CD86: variants seen among roughly 807,000 people sequenced by gnomAD.
CD86 encodes the protein CD86 molecule.
CD86 carries 11 observed loss-of-function variants against 32.1 expected under a neutral mutation model. The observed-to-expected ratio is 0.34, with a 90% CI of 0.22 to 0.57. The LOEUF (loss-of-function observed/expected upper bound fraction) is 0.57. Ranked by LOEUF, CD86 falls within the 20% of genes least tolerant of loss-of-function variation. The pLI, the probability that CD86 is intolerant of heterozygous loss-of-function variation, is 0.86. For synonymous variants in CD86, 137 were observed against 135.3 expected (o/e 1.01, Z -0.09); for missense variants, 359 against 398.4 (o/e 0.90, Z 0.84).
chr3:122,069,851 G>A (rs1030835544), intron 1 of CD86, among the ~76,000 whole-genome samples: 1 of 152,056 alleles, frequency 6.6e-6, no homozygotes, highest in Non-Finnish European at 1.5e-5. Context: ...CACTTGCTGC[G>A]GTTGTCACTA....
intron 3 of CD86, among the ~76,000 whole-genome samples, chr3:122,105,390 C>T (rs754757922): frequency 2.6e-5 from 4 of 152,106 alleles, no homozygotes; most frequent in Non-Finnish European, 5.9e-5. Context: ...AAATGACAGA[C>T]CTTTTAGTAA....
chr3:122,100,360 G>A (rs184773710), intron 2 of CD86, among the ~76,000 whole-genome samples: 1 of 152,282 alleles, frequency 6.6e-6, no homozygotes, highest in African/African-American at 2.4e-5. Context: ...GGCTTCCTTT[G>A]GGTGAAGCCA....
In CD86 at chr3:122,060,644, T is replaced by TA. The variant is rs558148959; in HGVS notation, c.14+5150dup. 1.9e-3 allele frequency among the ~76,000 whole-genome samples: 291 copies of TA among 150,562 alleles called. 2 individuals carry two copies. Among genetic ancestry groups the TA allele is most frequent in the Non-Finnish European group, 2.4e-3 (161 of 67,488 alleles). On this transcript the variant is annotated intron_variant, in intron 1 of 6. Transcript: ENST00000330540. ...TTCCTAAAAAAATTTTAATTTAAAT[T>TA]AAAAAAAAAGGCTAACCAAAAATAA...
intron 2 of CD86, among the ~76,000 whole-genome samples, chr3:122,095,373 G>T (rs1466791712): frequency 2.0e-5 from 3 of 152,012 alleles, no homozygotes; most frequent in Admixed American, 2.0e-4. Flanking sequence ...TAGAGACGGG[G>T]TTTCACCATG....
chr3:122,093,654 T>C (rs1219709821), intron 2 of CD86, among the ~76,000 whole-genome samples: 1 of 152,246 alleles, frequency 6.6e-6, no homozygotes. Flanking sequence ...ACCACCATTG[T>C]ATATGACTGA....
intron 1 of CD86, among the ~76,000 whole-genome samples, chr3:122,075,554 C>A (rs2072544232): frequency 6.6e-6 from 1 of 152,146 alleles, no homozygotes; most frequent in Admixed American, 6.5e-5. Flanking sequence ...AATTTCCCAA[C>A]CTGACAAGTA....
chr3:122,109,214 C>T, intron 4 of CD86, 51 bp from the exon 5 acceptor site: 1 of 1,586,274 alleles, frequency 6.3e-7, no homozygotes, highest in African/African-American at 1.4e-5. Context: ...CTAGCAGAAA[C>T]CTTTTGTAAA....
At chr3:122,096,906 G>C (rs1474789052) in intron 2 of CD86, among the ~76,000 whole-genome samples, 2 of 152,214 alleles carry the variant, frequency 1.3e-5, no homozygotes, top group Non-Finnish European at 2.9e-5. Flanking sequence ...ATGAATACCT[G>C]TGTACCTCTA....
chr3:122,055,529 A>G lies in CD86; in HGVS notation c.14+26A>G, dbSNP rs538910339. ...GTGAGTAATAATTCTTATTCTTTGC[A>G]GAGAAGTTATGAGTTGTGACTGCAG... On this transcript the variant is annotated intron_variant, in intron 1 of 6. Coordinates refer to ENST00000330540, the MANE Select transcript of CD86 (RefSeq NM_175862.5). The G allele has an allele frequency of 8.1e-6, 13 of 1,612,772 alleles. No homozygotes were observed. In the Admixed American group the frequency reaches 1.5e-4, roughly 19 times the overall value.
At chr3:122,093,382 G>A (rs1045570793) in intron 2 of CD86, among the ~76,000 whole-genome samples, 1 of 152,100 alleles carries the variant, frequency 6.6e-6, no homozygotes, top group East Asian at 1.9e-4. Flanking sequence ...AACAACAGGG[G>A]TACGTTCTGA....
rs558158767 is a variant in CD86 at position 122,055,662 on chromosome 3, A to C, written c.14+159A>C. Among the ~76,000 whole-genome samples, 3 of 152,338 alleles carry C rather than the reference A, an allele frequency of 2.0e-5. No individual in the cohort carries two copies. In the South Asian group the frequency reaches 6.2e-4, roughly 32 times the overall value. ...AGATCTTTGGCACATAAAGGCAAGAATTATTTGCAATGCCCAAAGCAGTTC... is the reference window on the plus strand; with the variant it reads ...AGATCTTTGGCACATAAAGGCAAGACTTATTTGCAATGCCCAAAGCAGTTC... On this transcript the variant is annotated intron_variant, in intron 1 of 6. Transcript: ENST00000330540.
chr3:122,067,912 C>A (rs115511323), intron 1 of CD86, among the ~76,000 whole-genome samples: 1 of 152,146 alleles, frequency 6.6e-6, no homozygotes, highest in South Asian at 2.1e-4. Context: ...TAGCAGGGAG[C>A]TGCAAAAATT....
chr3:122,091,207 T>G lies in CD86; in HGVS notation c.15-394T>G, dbSNP rs184092958. Among the ~76,000 whole-genome samples the G allele has an allele frequency of 3.3e-5, 5 of 152,354 alleles. No individual in the cohort carries two copies. In the East Asian group the frequency reaches 9.6e-4, roughly 29 times the overall value. ...TAAAGAGAGCTGCTTTATTAGTTTATTAAGCAAACCAGATCTCTTCCATTG... is the reference window on the plus strand; with the variant it reads ...TAAAGAGAGCTGCTTTATTAGTTTAGTAAGCAAACCAGATCTCTTCCATTG... On this transcript the variant is annotated intron_variant, in intron 1 of 6. Transcript: ENST00000330540.
At chr3:122,119,361 G>A (rs1057055179) in intron 6 of CD86, 77 bp from the exon 7 acceptor site, 9 of 813,512 alleles carry the variant, frequency 1.1e-5, no homozygotes, top group Middle Eastern at 2.8e-4. Flanking sequence ...CCTCTATTCT[G>A]CCCTATCATT....
intron 1 of CD86, among the ~76,000 whole-genome samples, chr3:122,071,732 T>A (rs540657281): frequency 2.6e-5 from 4 of 152,226 alleles, no homozygotes; most frequent in South Asian, 2.1e-4. Context: ...TTCTTTATTT[T>A]TTTTTTATTA....
chr3:122,077,525 C>T (rs1332280425), intron 1 of CD86, among the ~76,000 whole-genome samples: 1 of 123,054 alleles, frequency 8.1e-6, no homozygotes, highest in East Asian at 2.1e-4. Context: ...TGCCCTCACT[C>T]ATTGAAGGCT....
intron 3 of CD86, among the ~76,000 whole-genome samples, chr3:122,104,973 G>T (rs1350345368): frequency 6.6e-6 from 1 of 152,020 alleles, no homozygotes; most frequent in Admixed American, 6.5e-5. Flanking sequence ...GTTAATTTTT[G>T]ATGAAACTTG....
At chr3:122,117,881 T>C (rs1344119688) in intron 5 of CD86, among the ~76,000 whole-genome samples, 167 bp from the exon 6 acceptor site, 1 of 152,212 alleles carries the variant, frequency 6.6e-6, no homozygotes, top group Non-Finnish European at 1.5e-5. Flanking sequence ...GCAAGAAACT[T>C]CTTCCCAATC....
chr3:122,101,504 AAAAAAAAAAAT>A (rs1252643591), intron 2 of CD86, among the ~76,000 whole-genome samples: 28 of 46,968 alleles, frequency 6.0e-4, no homozygotes, highest in South Asian at 3.8e-3. Flanking sequence ...AGAAAAAAAA[AAAAAAAAAAAT>A]ATATATATAT....
Sources: allele counts gnomAD v4.1 joint callset (sites outside exome capture counted in the v4.1 genomes callset), GRCh38; gene constraint gnomAD v4.1.1; transcripts MANE v1.5; gene names NCBI Gene and HGNC (gene_info 2026-07-23, HGNC 2026-07-21).